The following ODAD2 variants were observed in gnomAD, a reference collection of about 807,000 sequenced individuals.
ODAD2 encodes the protein outer dynein arm docking complex subunit 2, also known as outer dynein arm-docking complex subunit 2.
In ODAD2, 89 loss-of-function variants were observed where a neutral mutation model predicts 106.8. The ratio of observed to expected loss-of-function variants is 0.83; its 90% confidence interval spans 0.70 to 0.99. ODAD2 has a LOEUF of 0.99. Among genes scored for constraint, ODAD2 ranks in the 50% least tolerant of loss-of-function variants. The probability of loss-of-function intolerance (pLI) is 0.00; values close to 1 mark genes in which losing one functional copy is unlikely to be tolerated. For missense variants in ODAD2, 1,168 were observed against 1,238.5 expected, an observed-to-expected ratio of 0.94 and a Z score of 0.85; for synonymous variants, 404 against 436.2, an observed-to-expected ratio of 0.93 and a Z score of 0.92.
At chr10:27,990,469 C>A (rs933020896) in intron 2 of ODAD2, among the ~76,000 whole-genome samples, 5 of 152,238 alleles carry the variant, frequency 3.3e-5, no homozygotes, top group African/African-American at 1.2e-4. Flanking sequence ...GGCCACTGCA[C>A]CCGGCCCCAT....
chr10:27,940,687 C>T lies in ODAD2; in HGVS notation c.1862G>A (p.Ser621Asn), dbSNP rs1216485414. ...GALALWSCSK[S>N]HTNKEAIRKA... ...GCGGATGGCTTCTTTATTCGTATGA[C>T]TCTTACTGCAGCTCCACAGGGCCAG... The change falls in exon 13 of 20, where the codon AGT (serine) becomes AAT (asparagine). Residue 621 changes from serine to asparagine, a missense_variant. Physicochemically the swap from Ser to Asn is conservative, Grantham distance 46. Around this residue, in one of 3 missense-constraint regions of ODAD2, gnomAD observed 701 missense variants for 712.3 expected, o/e 0.98. Transcript: ENST00000305242. 5.0e-6 allele frequency: 8 copies of T among 1,614,126 alleles called. No homozygotes were observed. Among genetic ancestry groups the T allele is most frequent in the Admixed American group, 3.3e-5 (2 of 60,026 alleles).
chr10:27,981,050 C>T (rs1849511323), intron 7 of ODAD2, among the ~76,000 whole-genome samples: 2 of 152,058 alleles, frequency 1.3e-5, no homozygotes, highest in Non-Finnish European at 2.9e-5. Context: ...AAACACTATG[C>T]TAAGTGAAAG....
chr10:27,887,566 C>G (rs975573868), intron 17 of ODAD2, among the ~76,000 whole-genome samples: 2 of 151,820 alleles, frequency 1.3e-5, no homozygotes, highest in East Asian at 3.8e-4. Context: ...CCAGGATAGA[C>G]CATATATGAA....
rs560633591 is a variant in ODAD2, at chr10:27,837,830, G to A, written c.3021+22795C>T. On this transcript the variant is annotated intron_variant, in intron 19 of 19. Transcript: ENST00000305242. Reference sequence around the variant, plus strand: ...GTCAACCATAAGGATAAGCCATTGTGGTCCATCACTCCTAAAGACAATAGT... The same window carrying A: ...GTCAACCATAAGGATAAGCCATTGTAGTCCATCACTCCTAAAGACAATAGT... Among the ~76,000 whole-genome samples, 10 of 152,242 alleles carry A rather than the reference G, an allele frequency of 6.6e-5. No individual in the cohort carries two copies. In the East Asian group the frequency reaches 1.9e-3, roughly 29 times the overall value.
chr10:27,935,271 A>C lies in ODAD2; in HGVS notation c.2253-19T>G, dbSNP rs766361375. ...CCGAAACCTAAGTTCATCATAAGAAAGAGGAGAATTGGTTTTTGTATAAGG... is the reference window on the plus strand; with the variant it reads ...CCGAAACCTAAGTTCATCATAAGAACGAGGAGAATTGGTTTTTGTATAAGG... On this transcript the variant is annotated intron_variant, in intron 15 of 19. Coordinates refer to ENST00000305242, the MANE Select transcript of ODAD2 (RefSeq NM_018076.5). 1 of 1,612,194 alleles carries C rather than the reference A, an allele frequency of 6.2e-7. No homozygotes were observed. The highest frequency in any genetic ancestry group is 8.5e-7 in the Non-Finnish European group (1 of 1,178,680).
chr10:27,916,795 A>G (rs1214887993), intron 16 of ODAD2, among the ~76,000 whole-genome samples: 2 of 152,186 alleles, frequency 1.3e-5, no homozygotes, highest in Non-Finnish European at 2.9e-5. Context: ...GGTCAACAGT[A>G]GGCTATTAGT....
At chr10:27,964,902 T>C (rs1848392120) in intron 9 of ODAD2, among the ~76,000 whole-genome samples, 1 of 152,190 alleles carries the variant, frequency 6.6e-6, no homozygotes. Context: ...ATTAATAAAT[T>C]AAAGCAAGTA....
intron 9 of ODAD2, among the ~76,000 whole-genome samples, chr10:27,961,956 C>G (rs1848174700): frequency 6.6e-6 from 1 of 152,172 alleles, no homozygotes; most frequent in African/African-American, 2.4e-5. Flanking sequence ...ATTTCAGCTA[C>G]TCAGGAGGCT....
At chr10:27,924,031 A>AAG (rs1590035980) in intron 16 of ODAD2, among the ~76,000 whole-genome samples, 1 of 120,822 alleles carries the variant, frequency 8.3e-6, no homozygotes, top group South Asian at 3.0e-4. Context: ...AGAAGGAAAG[A>AAG]GAAAGAAAGA....
At chr10:27,917,768 C>G (rs1318172820) in intron 16 of ODAD2, among the ~76,000 whole-genome samples, 3 of 151,582 alleles carry the variant, frequency 2.0e-5, no homozygotes, top group Admixed American at 2.0e-4. Flanking sequence ...AATTAGCTCA[C>G]AGATTATTTT....
intron 17 of ODAD2, among the ~76,000 whole-genome samples, chr10:27,870,415 T>A (rs1385528174): frequency 6.6e-6 from 1 of 152,126 alleles, no homozygotes; most frequent in East Asian, 1.9e-4. Context: ...GCAGGTTTGT[T>A]ACATATGCAT....
chr10:27,977,993 T>A (rs190038528), intron 7 of ODAD2, among the ~76,000 whole-genome samples: 103 of 152,330 alleles, frequency 6.8e-4, no homozygotes, highest in African/African-American at 2.3e-3. Context: ...ACAACTACCA[T>A]ATGATCTTAC....
intron 12 of ODAD2, among the ~76,000 whole-genome samples, chr10:27,943,829 A>AG (rs1846645444): frequency 7.1e-6 from 1 of 140,484 alleles, no homozygotes; most frequent in Admixed American, 7.3e-5. Context: ...AAAAAAAAAA[A>AG]GGCATCATAG....
At chr10:27,841,224 T>A (rs1185316841) in intron 19 of ODAD2, among the ~76,000 whole-genome samples, 1 of 152,174 alleles carries the variant, frequency 6.6e-6, no homozygotes. Flanking sequence ...GTTATTACTA[T>A]GATTATTTCC....
chr10:27,824,301 C>T (rs1483941678), intron 19 of ODAD2, among the ~76,000 whole-genome samples: 1 of 152,102 alleles, frequency 6.6e-6, no homozygotes, highest in African/African-American at 2.4e-5. Flanking sequence ...GACATTGTAA[C>T]AGTATTAAGA....
chr10:27,820,909 G>A (rs1433272933), intron 19 of ODAD2, among the ~76,000 whole-genome samples: 1 of 151,186 alleles, frequency 6.6e-6, no homozygotes, highest in Admixed American at 6.6e-5. Flanking sequence ...CAGCCTCTGA[G>A]TAGCTAAGAT....
Position 27,944,209 on chromosome 10 carries a change from C to G in ODAD2, c.1743+13G>C, listed in dbSNP as rs755170204. 6.2e-7 allele frequency: 1 copy of G among 1,604,630 alleles called. No individual in the cohort carries two copies. The highest frequency in any genetic ancestry group is 8.5e-7 in the Non-Finnish European group (1 of 1,175,922). ...TGGCACTAGATGACGATGACAACAT[C>G]ACGGCTACTCACCAGTTTGGTGATA... On this transcript the variant is annotated intron_variant, in intron 12 of 19. Coordinates refer to ENST00000305242, the MANE Select transcript of ODAD2 (RefSeq NM_018076.5).
At chr10:27,866,762 T>G (rs1589860355) in intron 17 of ODAD2, among the ~76,000 whole-genome samples, 1 of 152,028 alleles carries the variant, frequency 6.6e-6, no homozygotes, top group East Asian at 1.9e-4. Context: ...TGGTGGGAAC[T>G]AATAGACCAA....
At chr10:27,878,874 C>T (rs1841525408) in intron 17 of ODAD2, among the ~76,000 whole-genome samples, 2 of 152,034 alleles carry the variant, frequency 1.3e-5, no homozygotes, top group South Asian at 2.1e-4. Context: ...AAAATTATTG[C>T]TGTTTTAGAC....
Sources: allele counts gnomAD v4.1 joint callset (sites outside exome capture counted in the v4.1 genomes callset), GRCh38; gene constraint gnomAD v4.1.1; regional missense constraint gnomAD v4.1.1; transcripts MANE v1.5; gene names NCBI Gene and HGNC (gene_info 2026-07-23, HGNC 2026-07-21).